The following SAMMSON variants were observed in gnomAD, a reference collection of about 807,000 sequenced individuals.
SAMMSON encodes long intergenic non-protein coding RNA 1212.
chr3:70,222,355 A>G (rs1447664751), intron 4 of SAMMSON, among the ~76,000 whole-genome samples: 2 of 152,222 alleles, frequency 1.3e-5, no homozygotes, highest in African/African-American at 4.8e-5. Context: ...GCTCATTGCT[A>G]AGAGCTCATT....
At chr3:70,237,955 G>T (rs928626913) in intron 4 of SAMMSON, among the ~76,000 whole-genome samples, 2 of 124,144 alleles carry the variant, frequency 1.6e-5, no homozygotes, top group African/African-American at 6.4e-5. Flanking sequence ...AAAGAGAAGG[G>T]AAAAGAAACT....
chr3:70,092,447 G>T (rs200833198), intron 4 of SAMMSON, among the ~76,000 whole-genome samples: 65 of 145,580 alleles, frequency 4.5e-4, no homozygotes, highest in South Asian at 2.2e-3. Flanking sequence ...AACTCATGCT[G>T]TTTTTTTTTT....
Position 70,054,079 on chromosome 3 carries a change from G to A in SAMMSON, n.418-17397G>A, listed in dbSNP as rs142221702. Among the ~76,000 whole-genome samples the A allele has an allele frequency of 2.6e-5, 4 of 152,098 alleles. No individual in the cohort carries two copies. The East Asian group carries it at 5.8e-4, about 22-fold the overall frequency. ...AACACTTACCATTTAATTTTCTTAC[G>A]TTGAGTATGAAGCATTCCAGCATAT... On this transcript the variant is annotated intron_variant and non_coding_transcript_variant, in intron 3 of 9. Coordinates refer to ENST00000642114, the Ensembl canonical transcript of SAMMSON.
intron 4 of SAMMSON, among the ~76,000 whole-genome samples, chr3:70,190,042 A>C (rs562543822): frequency 6.6e-6 from 1 of 152,270 alleles, no homozygotes; most frequent in South Asian, 2.1e-4. Context: ...AGGCTGGCTT[A>C]ATGTAGCTAA....
chr3:70,081,343 G>C (rs2067267646), intron 4 of SAMMSON, among the ~76,000 whole-genome samples: 1 of 152,140 alleles, frequency 6.6e-6, no homozygotes, highest in East Asian at 1.9e-4. Flanking sequence ...TCCATCTCCT[G>C]ACCTCGTGAT....
chr3:70,210,753 A>G (rs1423077591), intron 4 of SAMMSON, among the ~76,000 whole-genome samples: 1 of 149,942 alleles, frequency 6.7e-6, no homozygotes, highest in Non-Finnish European at 1.5e-5. Flanking sequence ...CAAAATTAGG[A>G]CAAAAAATAG....
intron 9 of SAMMSON, among the ~76,000 whole-genome samples, chr3:70,384,915 C>T (rs1703107666): frequency 6.6e-6 from 1 of 152,000 alleles, no homozygotes; most frequent in Admixed American, 6.6e-5. Context: ...TGGCTATTAC[C>T]ACTTGAGATG....
At chr3:70,160,950 T>C (rs2067612267) in intron 4 of SAMMSON, among the ~76,000 whole-genome samples, 1 of 152,126 alleles carries the variant, frequency 6.6e-6, no homozygotes, top group African/African-American at 2.4e-5. Context: ...TTGTGAAACA[T>C]ATTCTCAATT....
At chr3:70,111,775 A>G (rs1305733991) in intron 4 of SAMMSON, among the ~76,000 whole-genome samples, 1 of 152,182 alleles carries the variant, frequency 6.6e-6, no homozygotes, top group African/African-American at 2.4e-5. Flanking sequence ...AAACAAAAAA[A>G]TGTTGTAATA....
In SAMMSON at chr3:70,428,849, T is replaced by C. The variant is rs1180418156; in HGVS notation, n.234-33711T>C. ...TTATCTTTCTTCCAATGATGATTCA[T>C]TCACTCAGCAAATACTTACTCAGTA... On this transcript the variant is annotated intron_variant and non_coding_transcript_variant, in intron 2 of 3. Coordinates refer to the SAMMSON transcript ENST00000641053. Among the ~76,000 whole-genome samples the C allele has an allele frequency of 2.0e-5, 3 of 152,344 alleles. No homozygotes were observed. In the East Asian group the frequency reaches 5.8e-4, roughly 29 times the overall value.
intron 7 of SAMMSON, among the ~76,000 whole-genome samples, chr3:70,301,872 C>T (rs1702351683): frequency 6.6e-6 from 1 of 151,894 alleles, no homozygotes; most frequent in Non-Finnish European, 1.5e-5. Context: ...TTTCTAAATA[C>T]AAAAAATGAA....
intron 4 of SAMMSON, among the ~76,000 whole-genome samples, chr3:70,120,997 CT>C (rs1170640855): frequency 6.6e-6 from 1 of 152,156 alleles, no homozygotes; most frequent in Admixed American, 6.5e-5. Context: ...GTACTCTGAG[CT>C]TGTTTTCCTG....
At chr3:70,106,298 G>T (rs752159142) in intron 4 of SAMMSON, among the ~76,000 whole-genome samples, 1 of 150,674 alleles carries the variant, frequency 6.6e-6, no homozygotes, top group African/African-American at 2.4e-5. Flanking sequence ...TTGTTAAAAT[G>T]CAGGCCTAAT....
At chr3:70,411,093 A>G (rs1701214924) in intron 2 of SAMMSON, among the ~76,000 whole-genome samples, 1 of 152,198 alleles carries the variant, frequency 6.6e-6, no homozygotes, top group Non-Finnish European at 1.5e-5. Context: ...TCTTTTGAAG[A>G]CCATCATTGA....
At chr3:70,211,534 GC>G (rs1701348672) in intron 4 of SAMMSON, among the ~76,000 whole-genome samples, 1 of 17,524 alleles carries the variant, frequency 5.7e-5, no homozygotes, top group East Asian at 2.2e-3. Context: ...CCTTCCCTTT[GC>G]CCTTCCCTTC....
intron 3 of SAMMSON, among the ~76,000 whole-genome samples, chr3:70,062,316 A>G (rs2067193598): frequency 6.6e-6 from 1 of 151,968 alleles, no homozygotes; most frequent in Non-Finnish European, 1.5e-5. Context: ...ATCTGCCACC[A>G]CCTGACATTA....
chr3:70,151,312 T>G (rs1386624462), intron 4 of SAMMSON, among the ~76,000 whole-genome samples: 1 of 152,052 alleles, frequency 6.6e-6, no homozygotes, highest in African/African-American at 2.4e-5. Context: ...GGTGTTCAGC[T>G]GGTGGAAGTA....
chr3:70,084,776 G>T (rs1462140394), intron 4 of SAMMSON: 1 of 152,210 alleles, frequency 6.6e-6, no homozygotes, highest in Non-Finnish European at 1.5e-5. Flanking sequence ...CACCTACTGT[G>T]TTCCAGGCAC....
intron 7 of SAMMSON, among the ~76,000 whole-genome samples, chr3:70,342,758 T>C (rs1215128465): frequency 6.6e-6 from 1 of 152,222 alleles, no homozygotes; most frequent in Non-Finnish European, 1.5e-5. Flanking sequence ...TCATTATTGG[T>C]GATGCCGGCA....
Sources: gnomAD v4.1 joint callset for allele counts (sites outside exome capture counted in the v4.1 genomes callset) on GRCh38, gnomAD v4.1.1 for gene constraint, MANE v1.5 for transcripts, NCBI Gene and HGNC (gene_info 2026-07-23, HGNC 2026-07-21) for gene names.